PLEKHG1: variants seen among roughly 807,000 people sequenced by gnomAD.
The protein encoded by PLEKHG1 is pleckstrin homology domain-containing family G member 1.
A neutral mutation model predicts 100.8 loss-of-function variants in PLEKHG1; 44 were observed. That is an observed-to-expected ratio of 0.44 (90% CI 0.34 to 0.56). PLEKHG1 has a LOEUF of 0.56. PLEKHG1 is among the 20% of genes least tolerant of loss of function. PLEKHG1 has a pLI of 0.01. For missense variants in PLEKHG1, 1,545 were observed against 1,720.9 expected (o/e 0.90, Z 1.81); for synonymous variants, 640 against 662.5 (o/e 0.97, Z 0.52).
chr6:150,624,520 A>ATTTG (rs1777432132), intron 1 of PLEKHG1, among the ~76,000 whole-genome samples: 1 of 152,220 alleles, frequency 6.6e-6, no homozygotes, highest in Non-Finnish European at 1.5e-5. Context: ...TACTTTGCAA[A>ATTTG]GTACAGTAGG....
At chr6:150,792,508 A>C (rs61443503) in intron 4 of PLEKHG1, among the ~76,000 whole-genome samples, 6,005 of 150,800 alleles carry the variant, frequency 0.04, 403 homozygotes, top group African/African-American at 0.14. Context: ...CCCCATCTCT[A>C]CTAAAGATAG....
At chr6:150,678,304 C>G (rs1420979717) in intron 3 of PLEKHG1, among the ~76,000 whole-genome samples, 2 of 151,864 alleles carry the variant, frequency 1.3e-5, no homozygotes, top group African/African-American at 4.8e-5. Flanking sequence ...CCAGGCCCCT[C>G]CACCATAGCT....
At chr6:150,642,150 A>G (rs999252726) in intron 2 of PLEKHG1, among the ~76,000 whole-genome samples, 2 of 152,184 alleles carry the variant, frequency 1.3e-5, no homozygotes, top group East Asian at 1.9e-4. Context: ...TATTAAATCT[A>G]TTTGACTTAT....
chr6:150,779,120 C>G (rs1562511117), intron 3 of PLEKHG1, among the ~76,000 whole-genome samples: 1 of 152,038 alleles, frequency 6.6e-6, no homozygotes, highest in Non-Finnish European at 1.5e-5. Flanking sequence ...CCATGGTTTC[C>G]TCACCTTAAA....
intron 2 of PLEKHG1, among the ~76,000 whole-genome samples, chr6:150,739,892 T>C (rs1782762311): frequency 6.6e-6 from 1 of 152,148 alleles, no homozygotes; most frequent in Non-Finnish European, 1.5e-5. Context: ...TCAGGGAAGA[T>C]AAAAGAGAGA....
chr6:150,690,926 C>T (rs977483189), intron 3 of PLEKHG1, among the ~76,000 whole-genome samples: 1 of 152,170 alleles, frequency 6.6e-6, no homozygotes, highest in Admixed American at 6.5e-5. Context: ...GGCTGTGTTG[C>T]TCTTCCGCAA....
chr6:150,776,009 A>AG (rs1784940254), intron 3 of PLEKHG1, among the ~76,000 whole-genome samples: 1 of 152,158 alleles, frequency 6.6e-6, no homozygotes, highest in Non-Finnish European at 1.5e-5. Flanking sequence ...TCAGACCGGA[A>AG]GGGGAGGGGC....
At chr6:150,621,503 T>G (rs1363772179) in intron 1 of PLEKHG1, among the ~76,000 whole-genome samples, 2 of 151,922 alleles carry the variant, frequency 1.3e-5, no homozygotes, top group Non-Finnish European at 2.9e-5. Flanking sequence ...GCTTCCCGAG[T>G]AGCTGGAATT....
intron 3 of PLEKHG1, among the ~76,000 whole-genome samples, chr6:150,688,315 G>T (rs906793453): frequency 5.4e-5 from 8 of 147,872 alleles, no homozygotes. Flanking sequence ...TTCTTCCTTT[G>T]TTTTTTTTTT....
At chr6:150,688,958 T>C (rs1037325941) in intron 3 of PLEKHG1, among the ~76,000 whole-genome samples, 2 of 152,238 alleles carry the variant, frequency 1.3e-5, no homozygotes, top group African/African-American at 4.8e-5. Flanking sequence ...CACAATGTTA[T>C]GCAACCATCA....
intron 2 of PLEKHG1, among the ~76,000 whole-genome samples, chr6:150,761,542 G>A (rs1784162015): frequency 6.6e-6 from 1 of 152,052 alleles, no homozygotes; most frequent in African/African-American, 2.4e-5. Context: ...TGATCCACCT[G>A]TCTCGGCCTC....
chr6:150,726,106 G>A (rs1312050426), intron 1 of PLEKHG1, among the ~76,000 whole-genome samples: 1 of 152,162 alleles, frequency 6.6e-6, no homozygotes, highest in Non-Finnish European at 1.5e-5. Context: ...GCTTGCCAGG[G>A]AGTGGGGAGA....
At chr6:150,743,380 G>C (rs1473928769) in intron 2 of PLEKHG1, among the ~76,000 whole-genome samples, 1 of 152,052 alleles carries the variant, frequency 6.6e-6, no homozygotes, top group Non-Finnish European at 1.5e-5. Flanking sequence ...AAAAAAATTA[G>C]CCGGAAGTGG....
At chr6:150,612,045 TCCC>T (rs34843386) in intron 1 of PLEKHG1, among the ~76,000 whole-genome samples, 2,181 of 77,228 alleles carry the variant, frequency 0.028, 32 homozygotes, top group Middle Eastern at 0.045. Context: ...CTGGTGTTGT[TCCC>T]CCCCCCCCCC....
chr6:150,608,569 G>A (rs1052041957), intron 1 of PLEKHG1, among the ~76,000 whole-genome samples: 3 of 152,132 alleles, frequency 2.0e-5, no homozygotes, highest in Admixed American at 1.3e-4. Context: ...GATATGCTTG[G>A]CAAATGTTCA....
rs146373556 is a variant in PLEKHG1 at position 150,687,758 on chromosome 6, C to T, written c.-99+36972C>T. Among the ~76,000 whole-genome samples the T allele has an allele frequency of 7.6e-4, 116 of 152,274 alleles. 1 individual carries two copies. The highest frequency in any genetic ancestry group is 2.7e-3 in the African/African-American group (112 of 41,556). On this transcript the variant is annotated intron_variant, in intron 3 of 3. Transcript: ENST00000367326. ...CTGCCCCTCCATGCTCTCATCTGAC[C>T]CCACGCCCTGAGAGTCTCCTAGGGA...
At chr6:150,617,099 A>G (rs188669199) in intron 1 of PLEKHG1, among the ~76,000 whole-genome samples, 3 of 152,346 alleles carry the variant, frequency 2.0e-5, no homozygotes, top group African/African-American at 7.2e-5. Context: ...ATTTTCTTGC[A>G]TTGCATATTC....
At chr6:150,647,830 A>G (rs1350362798) in intron 2 of PLEKHG1, among the ~76,000 whole-genome samples, 1 of 152,192 alleles carries the variant, frequency 6.6e-6, no homozygotes, top group Non-Finnish European at 1.5e-5. Flanking sequence ...TTTATAGAAC[A>G]GCCTCTGAGG....
At chr6:150,703,020 G>T (rs924079665) in intron 3 of PLEKHG1, among the ~76,000 whole-genome samples, 5 of 152,164 alleles carry the variant, frequency 3.3e-5, no homozygotes, top group Non-Finnish European at 5.9e-5. Context: ...CCTCAGCAAG[G>T]CCTGTGTTTT....
Sources: gnomAD v4.1 joint callset for allele counts (sites outside exome capture counted in the v4.1 genomes callset) on GRCh38, gnomAD v4.1.1 for gene constraint, MANE v1.5 for transcripts, NCBI Gene and HGNC (gene_info 2026-07-23, HGNC 2026-07-21) for gene names.